The following IMMP2L variants were observed in gnomAD, a reference collection of about 807,000 sequenced individuals.
IMMP2L encodes inner mitochondrial membrane peptidase subunit 2, also known as mitochondrial inner membrane protease subunit 2.
A neutral mutation model predicts 19.3 loss-of-function variants in IMMP2L; 18 were observed. That is an observed-to-expected ratio of 0.93 (90% confidence interval 0.64 to 1.38). IMMP2L has a LOEUF of 1.38. Among genes scored for constraint, IMMP2L ranks in the 40% most tolerant of loss-of-function variants. The pLI, the probability that IMMP2L is intolerant of heterozygous loss-of-function variation, is 0.00. For missense variants in IMMP2L, 233 were observed against 218.2 expected, an observed-to-expected ratio of 1.07 and a Z score of -0.43; for synonymous variants, 76 against 73.0, an observed-to-expected ratio of 1.04 and a Z score of -0.21.
chr7:111,207,569 T>C (rs1475752552), intron 3 of IMMP2L, among the ~76,000 whole-genome samples: 1 of 145,588 alleles, frequency 6.9e-6, no homozygotes, highest in Non-Finnish European at 1.5e-5. Flanking sequence ...AGACAGAATC[T>C]TGCTCTGTCA....
At chr7:110,694,855 ATATC>A (rs1410478718) in intron 5 of IMMP2L, among the ~76,000 whole-genome samples, 2 of 152,158 alleles carry the variant, frequency 1.3e-5, no homozygotes, top group African/African-American at 4.8e-5. Flanking sequence ...ATATCTATCT[ATATC>A]TATATATGCA....
At chr7:111,559,019 G>T in intron 1 of IMMP2L, among the ~76,000 whole-genome samples, 1 of 151,994 alleles carries the variant, frequency 6.6e-6, no homozygotes, top group Non-Finnish European at 1.5e-5. Context: ...AGAAACCTAT[G>T]GGAAATGTGC....
At chr7:111,491,893 T>G (rs937963291) in intron 2 of IMMP2L, among the ~76,000 whole-genome samples, 4 of 148,458 alleles carry the variant, frequency 2.7e-5, no homozygotes, top group East Asian at 2.0e-4. Context: ...ACTGCATTCG[T>G]TTTTTTTTTC....
chr7:110,809,190 G>T (rs190524228), intron 5 of IMMP2L, among the ~76,000 whole-genome samples: 212 of 152,124 alleles, frequency 1.4e-3, no homozygotes, highest in Middle Eastern at 0.01. Context: ...TCAATGAAGA[G>T]ATTTGGCCTG....
chr7:111,026,538 AATT>A (rs1168437083), intron 3 of IMMP2L, among the ~76,000 whole-genome samples: 1 of 152,114 alleles, frequency 6.6e-6, no homozygotes, highest in Non-Finnish European at 1.5e-5. Flanking sequence ...TCCCTGTGCC[AATT>A]ATGGGCGACT....
intron 5 of IMMP2L, among the ~76,000 whole-genome samples, chr7:110,824,322 G>A (rs537850761): frequency 6.6e-6 from 1 of 152,104 alleles, no homozygotes; most frequent in East Asian, 1.9e-4. Context: ...ACAGAAAACT[G>A]CTAATTATTT....
chr7:111,403,225 C>A (rs1205808843), intron 3 of IMMP2L, among the ~76,000 whole-genome samples: 1 of 151,818 alleles, frequency 6.6e-6, no homozygotes, highest in Non-Finnish European at 1.5e-5. Context: ...CTCACGAGAT[C>A]TCATGGTTTA....
At chr7:111,012,285 T>C (rs1450249761) in intron 3 of IMMP2L, among the ~76,000 whole-genome samples, 6 of 152,316 alleles carry the variant, frequency 3.9e-5, no homozygotes, top group Non-Finnish European at 5.9e-5. Context: ...TTTGAATTTA[T>C]ATTGTTATTC....
intron 3 of IMMP2L, among the ~76,000 whole-genome samples, chr7:111,221,458 A>T (rs1436502450): frequency 6.6e-6 from 1 of 151,998 alleles, no homozygotes; most frequent in Non-Finnish European, 1.5e-5. Flanking sequence ...CAAAAACTAC[A>T]GACTTCCTAT....
At chr7:111,223,408 T>G (rs931762336) in intron 3 of IMMP2L, among the ~76,000 whole-genome samples, 1 of 152,066 alleles carries the variant, frequency 6.6e-6, no homozygotes, top group Non-Finnish European at 1.5e-5. Flanking sequence ...AAAAATTATT[T>G]TTTAAAGTCT....
rs536160499 is a variant in IMMP2L at position 111,178,653 on chromosome 7, C to T, written c.240-215088G>A. 2.4e-4 allele frequency among the ~76,000 whole-genome samples: 37 copies of T among 152,168 alleles called. No individual in the cohort carries two copies. The South Asian group carries it at 7.5e-3, about 31-fold the overall frequency. On this transcript the variant is annotated intron_variant, in intron 3 of 5. Transcript: ENST00000405709. ...GTCACTTCAGCAGTGTTCACAGCAACTTCACTAGAAGATTCTATCTCAAGA... is the reference window on the plus strand; with the variant it reads ...GTCACTTCAGCAGTGTTCACAGCAATTTCACTAGAAGATTCTATCTCAAGA...
At chr7:110,715,891 C>T (rs1047436585) in intron 5 of IMMP2L, among the ~76,000 whole-genome samples, 1 of 152,036 alleles carries the variant, frequency 6.6e-6, no homozygotes, top group Non-Finnish European at 1.5e-5. Context: ...GAGTAGCTAT[C>T]TAAGTATTTT....
At chr7:111,556,495 C>T (rs1028188412) in intron 1 of IMMP2L, among the ~76,000 whole-genome samples, 2 of 152,008 alleles carry the variant, frequency 1.3e-5, no homozygotes, top group Non-Finnish European at 2.9e-5. Flanking sequence ...CCAAGCATAT[C>T]TACTCTCTAT....
rs139160548 is a variant in IMMP2L at position 111,280,403 on chromosome 7, T to A, written c.239+206835A>T. On this transcript the variant is annotated intron_variant, in intron 3 of 5. Coordinates refer to ENST00000405709, the MANE Select transcript of IMMP2L (RefSeq NM_032549.4). ...GGTCTCTTAAGTTATCCCAAGATTG[T>A]ATTTATTACTACCAAAGCCCTTATC... 2.0e-5 allele frequency among the ~76,000 whole-genome samples: 3 copies of A among 152,290 alleles called. No homozygotes were observed. In the East Asian group the frequency reaches 5.8e-4, roughly 29 times the overall value.
intron 3 of IMMP2L, among the ~76,000 whole-genome samples, chr7:111,210,939 G>T (rs1422311472): frequency 6.6e-6 from 1 of 151,966 alleles, no homozygotes; most frequent in Non-Finnish European, 1.5e-5. Context: ...GACCTACCCT[G>T]GATAAAAGGG....
Position 111,451,975 on chromosome 7 carries a change from C to T in IMMP2L, c.239+35263G>A, listed in dbSNP as rs182884602. Among the ~76,000 whole-genome samples the T allele has an allele frequency of 2.2e-3, 342 of 152,190 alleles. 5 individuals carry two copies. The highest frequency in any genetic ancestry group is 6.5e-4 in the Non-Finnish European group (44 of 67,992). The stretch of plus-strand genomic sequence containing the variant: ...AGTGCCTTTCCACACAGACTTGAAA[C>T]AATTCTGGTCACTGAAGGGCAGTAA... On this transcript the variant is annotated intron_variant, in intron 3 of 5. Transcript: ENST00000405709.
At chr7:111,442,813 A>C (rs781342905) in intron 3 of IMMP2L, among the ~76,000 whole-genome samples, 1 of 151,938 alleles carries the variant, frequency 6.6e-6, no homozygotes, top group Non-Finnish European at 1.5e-5. Flanking sequence ...AAGTGGTTTT[A>C]AGATTAAATT....
At chr7:110,940,142 C>A (rs1816574565) in intron 4 of IMMP2L, among the ~76,000 whole-genome samples, 2 of 151,856 alleles carry the variant, frequency 1.3e-5, no homozygotes, top group African/African-American at 2.4e-5. Context: ...CATAGTGAAA[C>A]CCCGTCCCTA....
At chr7:111,205,983 C>T (rs74343542) in intron 3 of IMMP2L, among the ~76,000 whole-genome samples, 4 of 152,162 alleles carry the variant, frequency 2.6e-5, no homozygotes, top group Admixed American at 1.3e-4. Context: ...AGTAGAGGAC[C>T]GCCTGCACAG....
Sources: allele counts gnomAD v4.1 joint callset (sites outside exome capture counted in the v4.1 genomes callset), GRCh38; gene constraint gnomAD v4.1.1; transcripts MANE v1.5; gene names NCBI Gene and HGNC (gene_info 2026-07-23, HGNC 2026-07-21).